KCNMA1: variants seen among roughly 807,000 people sequenced by gnomAD.
KCNMA1 encodes the protein Calcium-activated potassium channel subunit alpha-1.
In KCNMA1, 29 loss-of-function variants were observed where a neutral mutation model predicts 140.0. That is an observed-to-expected ratio of 0.21 (90% CI 0.15 to 0.28). The LOEUF is 0.28. Among genes scored for constraint, KCNMA1 ranks in the 10% least tolerant of loss-of-function variants. KCNMA1 has a pLI of 1.00. For synonymous variants in KCNMA1, 612 were observed against 611.9 expected (o/e 1.00, Z 0.00); for missense variants, 880 against 1,602.2 (o/e 0.55, Z 7.70).
chr10:77,387,380 G>A (rs1434848334), intron 2 of KCNMA1, among the ~76,000 whole-genome samples: 1 of 152,130 alleles, frequency 6.6e-6, no homozygotes, highest in Non-Finnish European at 1.5e-5. Context: ...CTGACCAAAT[G>A]ACCTTGGACA....
chr10:76,969,036 A>C (rs1257078964), intron 20 of KCNMA1, among the ~76,000 whole-genome samples: 1 of 152,176 alleles, frequency 6.6e-6, no homozygotes, highest in Non-Finnish European at 1.5e-5. Flanking sequence ...TGAGCAGTGC[A>C]AATCTGAAAT....
At chr10:77,072,600 A>C (rs895821187) in intron 14 of KCNMA1, among the ~76,000 whole-genome samples, 1 of 151,944 alleles carries the variant, frequency 6.6e-6, no homozygotes, top group Non-Finnish European at 1.5e-5. Context: ...CATTCAAACA[A>C]CCGCGGCATG....
At chr10:77,602,510 T>A (rs913820874) in intron 1 of KCNMA1, among the ~76,000 whole-genome samples, 7 of 152,168 alleles carry the variant, frequency 4.6e-5, no homozygotes, top group African/African-American at 1.7e-4. Flanking sequence ...TCTCTGTATA[T>A]ACTAAAAACC....
At chr10:77,491,300 C>G (rs946487497) in intron 1 of KCNMA1, among the ~76,000 whole-genome samples, 6 of 152,104 alleles carry the variant, frequency 3.9e-5, no homozygotes, top group Admixed American at 3.9e-4. Context: ...AGTTCTAGAG[C>G]CTGGATCTGG....
intron 22 of KCNMA1, chr10:76,948,867 T>C (rs1591655201): frequency 7.8e-6 from 4 of 513,732 alleles, no homozygotes; most frequent in Non-Finnish European, 1.4e-5. Flanking sequence ...TAGGCAGGAG[T>C]GAGAGTGTTT....
At chr10:77,536,079 G>C (rs2058813520) in intron 1 of KCNMA1, among the ~76,000 whole-genome samples, 1 of 152,212 alleles carries the variant, frequency 6.6e-6, no homozygotes, top group African/African-American at 2.4e-5. Flanking sequence ...AAATGTTTGA[G>C]GTGATGGTAT....
chr10:76,932,958 T>C (rs1009055506), intron 23 of KCNMA1, among the ~76,000 whole-genome samples: 1 of 152,170 alleles, frequency 6.6e-6, no homozygotes, highest in African/African-American at 2.4e-5. Context: ...CCTGGGTTGG[T>C]ACTGTGTAAT....
intron 2 of KCNMA1, among the ~76,000 whole-genome samples, chr10:77,274,886 T>G (rs2066188910): frequency 6.6e-6 from 1 of 152,138 alleles, no homozygotes; most frequent in Non-Finnish European, 1.5e-5. Flanking sequence ...GTGAGTTTTG[T>G]GGGGAGAGAA....
Position 77,307,541 on chromosome 10 carries a change from G to A in KCNMA1, c.541-56285C>T, listed in dbSNP as rs75066385. On this transcript the variant is annotated intron_variant, in intron 2 of 27. Coordinates refer to ENST00000286628, the MANE Select transcript of KCNMA1 (RefSeq NM_001161352.2). ...GTTCTGAGCACATTTAAGGTTTAAGGCTAGGCTAAGCCATGATGTTCAGTA... is the reference window on the plus strand; with the variant it reads ...GTTCTGAGCACATTTAAGGTTTAAGACTAGGCTAAGCCATGATGTTCAGTA... 3.1e-4 allele frequency among the ~76,000 whole-genome samples: 47 copies of A among 152,188 alleles called. No homozygotes were observed. The East Asian group carries it at 8.3e-3, about 27-fold the overall frequency.
At chr10:77,257,033 TG>T (rs2060920774) in intron 2 of KCNMA1, among the ~76,000 whole-genome samples, 1 of 152,024 alleles carries the variant, frequency 6.6e-6, no homozygotes, top group Admixed American at 6.6e-5. Context: ...CGCTTGAGCC[TG>T]GGAGGTGGAA....
At chr10:77,519,834 T>C (rs188824003) in intron 1 of KCNMA1, among the ~76,000 whole-genome samples, 35 of 152,296 alleles carry the variant, frequency 2.3e-4, no homozygotes, top group Non-Finnish European at 1.2e-4. Flanking sequence ...AGGGCCTTGT[T>C]TGAGGGTATG....
At chr10:77,221,500 C>T (rs1405504060) in intron 3 of KCNMA1, among the ~76,000 whole-genome samples, 1 of 152,040 alleles carries the variant, frequency 6.6e-6, no homozygotes, top group African/African-American at 2.4e-5. Context: ...TCAATAGTAA[C>T]TTAATTGTAC....
At chr10:77,636,679 C>T (rs1003405829) in intron 1 of KCNMA1, 1 of 1,533,242 alleles carries the variant, frequency 6.5e-7, no homozygotes, top group East Asian at 2.4e-5. Context: ...CAACTTCTCT[C>T]GCCCCTCGAA....
intron 1 of KCNMA1, among the ~76,000 whole-genome samples, chr10:77,583,571 A>G (rs2154563376): frequency 6.6e-6 from 1 of 152,342 alleles, no homozygotes; most frequent in South Asian, 2.1e-4. Context: ...AGTCAGCTTC[A>G]TGACCAAGAG....
intron 1 of KCNMA1, among the ~76,000 whole-genome samples, chr10:77,472,254 T>G (rs2098178605): frequency 6.8e-6 from 1 of 146,756 alleles, no homozygotes; most frequent in Non-Finnish European, 1.5e-5. Flanking sequence ...CACAGACACA[T>G]ACACATAGCA....
At chr10:77,510,690 T>A (rs1197694325) in intron 1 of KCNMA1, among the ~76,000 whole-genome samples, 2 of 151,306 alleles carry the variant, frequency 1.3e-5, no homozygotes, top group African/African-American at 2.4e-5. Context: ...CCCAGCTACT[T>A]GGGAGCCTGA....
intron 19 of KCNMA1, chr10:76,974,622 A>T (rs1418314063): frequency 7.8e-7 from 1 of 1,290,162 alleles, no homozygotes; most frequent in African/African-American, 1.5e-5. Context: ...CCATAGTGAA[A>T]TTTCTTTTAG....
intron 7 of KCNMA1, 103 bp from the exon 8 acceptor site, chr10:77,110,446 G>T: frequency 1.1e-6 from 1 of 940,520 alleles, no homozygotes; most frequent in Non-Finnish European, 1.8e-6. Context: ...ACTTGCTACT[G>T]CACACCACTC....
chr10:77,122,464 A>C (rs905054634), intron 5 of KCNMA1, among the ~76,000 whole-genome samples: 1 of 152,188 alleles, frequency 6.6e-6, no homozygotes, highest in East Asian at 1.9e-4. Flanking sequence ...GAGCTGATGA[A>C]AGGCTGACTT....
Sources: allele counts gnomAD v4.1 joint callset (sites outside exome capture counted in the v4.1 genomes callset), GRCh38; gene constraint gnomAD v4.1.1; transcripts MANE v1.5; gene names NCBI Gene and HGNC (gene_info 2026-07-23, HGNC 2026-07-21).